The following CSMD3 variants were observed in gnomAD, a reference collection of about 807,000 sequenced individuals.
The protein encoded by CSMD3 is CUB and sushi domain-containing protein 3.
In CSMD3, 177 loss-of-function variants were observed where a neutral mutation model predicts 435.2. The observed-to-expected ratio is 0.41, with a 90% confidence interval of 0.36 to 0.46. The LOEUF (loss-of-function observed/expected upper bound fraction) is 0.46. CSMD3 is among the 20% of genes least tolerant of loss of function. CSMD3 has a pLI of 0.34. For synonymous variants in CSMD3, 1,656 were observed against 1,520.5 expected (o/e 1.09, Z -2.07); for missense variants, 4,265 against 4,504.6 (o/e 0.95, Z 1.52).
chr8:112,741,517 A>G lies in CSMD3; in HGVS notation c.1973-51467T>C, dbSNP rs2077304175. Among the ~76,000 whole-genome samples, 3 of 151,988 alleles carry G rather than the reference A, an allele frequency of 2.0e-5. No homozygotes were observed. The South Asian group carries it at 6.2e-4, about 31-fold the overall frequency. On this transcript the variant is annotated intron_variant, in intron 13 of 70. Transcript: ENST00000297405. ...TGGAACCCTTGTACATTTTGATAGAAATGTGAATAGTGAAGCCACCATGGA... is the reference window on the plus strand; with the variant it reads ...TGGAACCCTTGTACATTTTGATAGAGATGTGAATAGTGAAGCCACCATGGA...
chr8:112,647,002 C>T (rs947391600), intron 19 of CSMD3, among the ~76,000 whole-genome samples: 5 of 152,114 alleles, frequency 3.3e-5, no homozygotes, highest in Admixed American at 3.3e-4. Context: ...TTTATGTTAA[C>T]TCAGCCCCCA....
intron 4 of CSMD3, among the ~76,000 whole-genome samples, chr8:113,147,860 T>A (rs936911195): frequency 6.6e-6 from 1 of 151,670 alleles, no homozygotes; most frequent in African/African-American, 2.4e-5. Flanking sequence ...CCTAATTATA[T>A]CTCAAACTCA....
intron 1 of CSMD3, chr8:113,376,566 A>C (rs931623831): frequency 1.5e-5 from 10 of 661,334 alleles, no homozygotes; most frequent in Admixed American, 5.6e-5. Flanking sequence ...TGTCCAAAAT[A>C]AACTAATATA....
rs144788570 is a variant in CSMD3, at chr8:112,800,192, C to T, written c.1942G>A (p.Gly648Arg). The T allele has an allele frequency of 1.2e-4, 193 of 1,612,060 alleles. No individual in the cohort carries two copies. Among genetic ancestry groups the T allele is most frequent in the Non-Finnish European group, 1.5e-4 (180 of 1,178,526 alleles). The change falls in exon 13 of 71, where the codon GGA becomes AGA. Residue 648 changes from glycine (G) to arginine (R), a missense_variant. Around this residue, in one of 3 missense-constraint regions of CSMD3, gnomAD observed 279 missense variants for 369.0 expected, o/e 0.76. Transcript: ENST00000297405. ...WLHLQTDESV[G>R]SVGFKVNYKE... ...TAGTTAACCTTGAAACCAACAGATC[C>T]AACACTTTCGTCCGTTTGAAGGTGC...
intron 1 of CSMD3, among the ~76,000 whole-genome samples, chr8:113,392,790 T>C (rs966371): frequency 0.76 from 115,562 of 151,798 alleles, 44,380 homozygotes; most frequent in East Asian, 0.94. Flanking sequence ...AGAACTTTCA[T>C]ATATATTATC....
At chr8:113,194,068 AAC>A (rs1471085504) in intron 3 of CSMD3, among the ~76,000 whole-genome samples, 1 of 151,328 alleles carries the variant, frequency 6.6e-6, no homozygotes, top group Non-Finnish European at 1.5e-5. Flanking sequence ...TTGAATCAGG[AAC>A]CAATTTTCTT....
chr8:112,693,956 GTTTTA>G (rs1452147237), intron 13 of CSMD3, among the ~76,000 whole-genome samples: 1 of 151,268 alleles, frequency 6.6e-6, no homozygotes, highest in Non-Finnish European at 1.5e-5. Flanking sequence ...TCACTGTTTA[GTTTTA>G]TTTAATTACA....
intron 32 of CSMD3, among the ~76,000 whole-genome samples, chr8:112,419,157 C>T (rs905813640): frequency 2.0e-5 from 3 of 152,048 alleles, no homozygotes; most frequent in Non-Finnish European, 2.9e-5. Flanking sequence ...CAGTTAGATT[C>T]CAGGCACTTA....
intron 3 of CSMD3, among the ~76,000 whole-genome samples, chr8:113,191,075 T>C (rs760283117): frequency 1.4e-4 from 21 of 151,848 alleles, no homozygotes; most frequent in Admixed American, 2.0e-4. Flanking sequence ...ACTTTCTTCT[T>C]AGTTGGATAT....
chr8:112,407,410 GT>G (rs992685446), intron 34 of CSMD3, among the ~76,000 whole-genome samples: 1 of 151,866 alleles, frequency 6.6e-6, no homozygotes, highest in Non-Finnish European at 1.5e-5. Context: ...ATAACAGGAT[GT>G]TTTTTCTTTT....
chr8:113,328,108 C>G (rs1447304347), intron 1 of CSMD3, among the ~76,000 whole-genome samples: 6 of 152,014 alleles, frequency 3.9e-5, no homozygotes, highest in East Asian at 1.9e-4. Flanking sequence ...GACACACACA[C>G]ACACACACAC....
chr8:113,253,310 T>C (rs2093350469), intron 3 of CSMD3, among the ~76,000 whole-genome samples: 1 of 151,988 alleles, frequency 6.6e-6, no homozygotes, highest in Admixed American at 6.6e-5. Flanking sequence ...ACATGTGCCA[T>C]GTTGGTGTGC....
chr8:112,995,062 C>T (rs978061319), intron 6 of CSMD3, among the ~76,000 whole-genome samples: 1 of 151,388 alleles, frequency 6.6e-6, no homozygotes, highest in Non-Finnish European at 1.5e-5. Context: ...ATTCCCAAGG[C>T]ACTATTCTCA....
intron 52 of CSMD3, among the ~76,000 whole-genome samples, chr8:112,304,210 T>G (rs1821196138): frequency 6.6e-6 from 1 of 152,158 alleles, no homozygotes; most frequent in Non-Finnish European, 1.5e-5. Flanking sequence ...TGTTATAATT[T>G]TCTAGTTTTA....
At chr8:113,133,334 G>C (rs1317381434) in intron 4 of CSMD3, among the ~76,000 whole-genome samples, 2 of 151,962 alleles carry the variant, frequency 1.3e-5, no homozygotes, top group Non-Finnish European at 2.9e-5. Context: ...CTAATCATCA[G>C]AACAATACAA....
At chr8:113,027,257 T>C (rs575891197) in intron 5 of CSMD3, among the ~76,000 whole-genome samples, 4 of 152,240 alleles carry the variant, frequency 2.6e-5, no homozygotes, top group East Asian at 1.9e-4. Flanking sequence ...TTCTAAGCCA[T>C]TGATATTGTT....
chr8:113,329,444 C>G (rs1314856334), intron 1 of CSMD3, among the ~76,000 whole-genome samples: 1 of 151,992 alleles, frequency 6.6e-6, no homozygotes, highest in Non-Finnish European at 1.5e-5. Context: ...ATTATCCTCT[C>G]TAGGGAACAT....
At chr8:112,605,010 G>T (rs1832680460) in intron 22 of CSMD3, among the ~76,000 whole-genome samples, 1 of 152,092 alleles carries the variant, frequency 6.6e-6, no homozygotes, top group African/African-American at 2.4e-5. Context: ...CATAAATGTG[G>T]CCAATAAGCA....
intron 54 of CSMD3, 81 bp from the exon 55 acceptor site, chr8:112,292,791 ACT>A: frequency 1.7e-6 from 2 of 1,206,456 alleles, no homozygotes; most frequent in Non-Finnish European, 1.2e-6. Flanking sequence ...TATTGATTAT[ACT>A]TAATCATTTC....
Sources: allele counts gnomAD v4.1 joint callset (sites outside exome capture counted in the v4.1 genomes callset), GRCh38; gene constraint gnomAD v4.1.1; regional missense constraint gnomAD v4.1.1; transcripts MANE v1.5; gene names NCBI Gene and HGNC (gene_info 2026-07-23, HGNC 2026-07-21).